The following ARSB variants were observed in gnomAD, a reference collection of about 807,000 sequenced individuals.
ARSB encodes N-acetylgalactosamine-4-sulfatase.
In ARSB, 41 loss-of-function variants were observed where a neutral mutation model predicts 50.9. The observed-to-expected ratio is 0.81, with a 90% CI of 0.63 to 1.04. The LOEUF (loss-of-function observed/expected upper bound fraction) is 1.04, where lower values mean the gene tolerates loss of function less well. Ranked by LOEUF, ARSB falls within the 50% of genes least tolerant of loss-of-function variation. The probability of loss-of-function intolerance (pLI) is 0.00; values close to 1 mark genes in which losing one functional copy is unlikely to be tolerated. For synonymous variants in ARSB, 269 were observed against 284.8 expected, an observed-to-expected ratio of 0.94 and a Z score of 0.56; for missense variants, 672 against 693.3, an observed-to-expected ratio of 0.97 and a Z score of 0.35.
At chr5:78,923,688 T>C (rs1008433724) in intron 4 of ARSB, among the ~76,000 whole-genome samples, 14 of 152,226 alleles carry the variant, frequency 9.2e-5, no homozygotes, top group Non-Finnish European at 1.6e-4. Flanking sequence ...TTCAATAGTT[T>C]TAAGAATTTC....
At chr5:78,863,772 T>A (rs1746569712) in intron 5 of ARSB, among the ~76,000 whole-genome samples, 1 of 151,792 alleles carries the variant, frequency 6.6e-6, no homozygotes, top group African/African-American at 2.4e-5. Flanking sequence ...TAAAAAAAAA[T>A]AGATAGTCAC....
intron 6 of ARSB, chr5:78,815,950 C>A (rs1743969681): frequency 1.9e-6 from 3 of 1,570,300 alleles, no homozygotes; most frequent in Admixed American, 1.8e-5. Context: ...TCCTATGATG[C>A]CAGGTTCCTA....
intron 4 of ARSB, among the ~76,000 whole-genome samples, chr5:78,940,105 C>T (rs1171591451): frequency 2.0e-5 from 3 of 152,186 alleles, no homozygotes; most frequent in Non-Finnish European, 4.4e-5. Flanking sequence ...TGTTCATATC[C>T]TTCGCCCACT....
intron 4 of ARSB, among the ~76,000 whole-genome samples, chr5:78,935,865 T>G: frequency 6.6e-6 from 1 of 152,006 alleles, no homozygotes; most frequent in Admixed American, 6.5e-5. Context: ...ATCTGCCTCC[T>G]GAGTATTTAC....
rs879264614 is a variant in ARSB at position 78,982,842 on chromosome 5, G to GA, written c.312+2094dup. ...AATAAAGTGGGTGAGAAAACTGGAG[G>GA]AAAAAAAATGTTTGGGGAAGCAAGG... On this transcript the variant is annotated intron_variant, in intron 1 of 7. Transcript: ENST00000264914. Among the ~76,000 whole-genome samples, 5 of 151,840 alleles carry GA rather than the reference G, an allele frequency of 3.3e-5. No homozygotes were observed. In the South Asian group the frequency reaches 8.3e-4, roughly 25 times the overall value.
chr5:78,881,697 A>T (rs1476492144), intron 5 of ARSB, among the ~76,000 whole-genome samples: 1 of 152,244 alleles, frequency 6.6e-6, no homozygotes, highest in Non-Finnish European at 1.5e-5. Flanking sequence ...GAGGAAGATG[A>T]GCACTTTCTA....
At chr5:78,951,540 T>A (rs1015709418) in intron 4 of ARSB, among the ~76,000 whole-genome samples, 3 of 152,112 alleles carry the variant, frequency 2.0e-5, no homozygotes, top group Admixed American at 6.5e-5. Flanking sequence ...AGAGAAAAGC[T>A]GAATCAGGGA....
At chr5:78,854,370 C>T (rs187006553) in intron 5 of ARSB, among the ~76,000 whole-genome samples, 2 of 152,318 alleles carry the variant, frequency 1.3e-5, no homozygotes, top group East Asian at 1.9e-4. Flanking sequence ...TATTGCTATA[C>T]ATTTTCCTCT....
chr5:78,813,017 T>TA (rs1269289396), intron 6 of ARSB, among the ~76,000 whole-genome samples: 2 of 152,122 alleles, frequency 1.3e-5, no homozygotes, highest in Non-Finnish European at 2.9e-5. Flanking sequence ...TAATTGATGA[T>TA]AAAAAAGTTT....
At chr5:78,784,005 T>A (rs57309030) in intron 6 of ARSB, among the ~76,000 whole-genome samples, 3,807 of 151,980 alleles carry the variant, frequency 0.025, 105 homozygotes, top group African/African-American at 0.064. Context: ...TGCCTTTTTT[T>A]AAAAAAAATA....
chr5:78,801,611 T>C (rs1743395509), intron 6 of ARSB, among the ~76,000 whole-genome samples: 1 of 152,198 alleles, frequency 6.6e-6, no homozygotes, highest in African/African-American at 2.4e-5. Flanking sequence ...CCACAGTGTC[T>C]GCGTCATCTG....
intron 6 of ARSB, among the ~76,000 whole-genome samples, chr5:78,807,503 C>G (rs983271736): frequency 1.6e-4 from 24 of 152,186 alleles, no homozygotes; most frequent in Non-Finnish European, 2.8e-4. Flanking sequence ...TAAGCCCGGG[C>G]AAGGAGCACT....
chr5:78,795,875 T>C (rs182540958), intron 6 of ARSB, among the ~76,000 whole-genome samples: 75 of 152,350 alleles, frequency 4.9e-4, no homozygotes, highest in African/African-American at 1.8e-3. Flanking sequence ...AGTTCATATC[T>C]GATATTTTAA....
chr5:78,942,476 T>C (rs1280120072), intron 4 of ARSB, among the ~76,000 whole-genome samples: 3 of 152,254 alleles, frequency 2.0e-5, no homozygotes, highest in Non-Finnish European at 2.9e-5. Context: ...GATTCTGGTA[T>C]GTTGTATCTT....
At chr5:78,809,907 G>A (rs916158457) in intron 6 of ARSB, among the ~76,000 whole-genome samples, 8 of 152,196 alleles carry the variant, frequency 5.3e-5, no homozygotes, top group Admixed American at 3.9e-4. Context: ...GGAATAGGGG[G>A]CAGCTGATGC....
At chr5:78,845,407 C>A (rs1284959880) in intron 5 of ARSB, among the ~76,000 whole-genome samples, 1 of 152,054 alleles carries the variant, frequency 6.6e-6, no homozygotes, top group Admixed American at 6.6e-5. Context: ...AGCGGGATTG[C>A]TGGATCATAT....
chr5:78,781,344 T>C (rs1748920708), intron 7 of ARSB, among the ~76,000 whole-genome samples: 1 of 148,190 alleles, frequency 6.7e-6, no homozygotes, highest in East Asian at 2.0e-4. Context: ...TTTTTTTTTT[T>C]TTTTGGTTAG....
At position 78,781,865 on chromosome 5, in the gene ARSB, G is replaced by A. The variant is rs1211616301; in HGVS notation, c.1323C>T (p.Leu441=). ...TAAGGACTCTACCTGGGTAGCCCGT[G>A]AGGAGTTTCCAATTTCCATGTCTAA... ...AAIRHGNWKL[L]TGYPGCGYWF... Residue 441 remains leucine (L), a synonymous_variant, in exon 7 of 8, where the codon CTC becomes CTT. Transcript: ENST00000264914. 7 of 1,613,994 alleles carry A rather than the reference G, an allele frequency of 4.3e-6. No homozygotes were observed. Among genetic ancestry groups the A allele is most frequent in the Non-Finnish European group, 8.5e-7 (1 of 1,179,976 alleles).
intron 6 of ARSB, among the ~76,000 whole-genome samples, chr5:78,806,925 C>T (rs1163437909): frequency 2.0e-5 from 3 of 152,210 alleles, no homozygotes; most frequent in Non-Finnish European, 4.4e-5. Context: ...GGCATGCTCT[C>T]GCCATGCTTA....
Sources: gnomAD v4.1 joint callset for allele counts (sites outside exome capture counted in the v4.1 genomes callset) on GRCh38, gnomAD v4.1.1 for gene constraint, MANE v1.5 for transcripts, NCBI Gene and HGNC (gene_info 2026-07-23, HGNC 2026-07-21) for gene names.